Variants in ITPR2 observed in about 807,000 individuals in gnomAD.
ITPR2 encodes inositol 1,4,5-trisphosphate-gated calcium channel ITPR2.
A neutral mutation model predicts 317.1 loss-of-function variants in ITPR2; 207 were observed. The ratio of observed to expected loss-of-function variants is 0.65; its 90% CI spans 0.58 to 0.73. ITPR2 has a LOEUF of 0.73. Ranked by LOEUF, ITPR2 falls within the 30% of genes least tolerant of loss-of-function variation. ITPR2 has a pLI of 0.00. For synonymous variants in ITPR2, 1,156 were observed against 1,149.1 expected (o/e 1.01, Z -0.12); for missense variants, 2,613 against 3,284.0 (o/e 0.80, Z 4.99).
chr12:26,576,617 G>C (rs1339983871), intron 34 of ITPR2, among the ~76,000 whole-genome samples: 1 of 152,190 alleles, frequency 6.6e-6, no homozygotes, highest in Admixed American at 6.5e-5. Flanking sequence ...ACTGCCTGCA[G>C]AGAATCAGAA....
chr12:26,454,934 C>G (rs535907556), intron 45 of ITPR2, among the ~76,000 whole-genome samples: 1 of 152,096 alleles, frequency 6.6e-6, no homozygotes, highest in Non-Finnish European at 1.5e-5. Flanking sequence ...GTTCCTGAAC[C>G]AATGAGGCTG....
intron 2 of ITPR2, among the ~76,000 whole-genome samples, chr12:26,745,072 C>T (rs756890945): frequency 6.6e-6 from 1 of 152,230 alleles, no homozygotes; most frequent in African/African-American, 2.4e-5. Context: ...TAAGTGTTCT[C>T]AGGGTCATCC....
chr12:26,466,776 G>A (rs554692819), intron 45 of ITPR2, among the ~76,000 whole-genome samples: 39 of 152,170 alleles, frequency 2.6e-4, no homozygotes, highest in African/African-American at 7.7e-4. Context: ...AGGGTGCAGG[G>A]GTGGAATAAT....
chr12:26,346,893 G>T (rs1404565263), intron 55 of ITPR2, among the ~76,000 whole-genome samples: 1 of 152,080 alleles, frequency 6.6e-6, no homozygotes, highest in Non-Finnish European at 1.5e-5. Context: ...GTCATTCTGT[G>T]AGCTATGATG....
intron 49 of ITPR2, 47 bp from the exon 50 acceptor site, chr12:26,419,260 A>G: frequency 6.5e-7 from 1 of 1,546,270 alleles, no homozygotes; most frequent in Non-Finnish European, 8.9e-7. Context: ...TTATCCTGAA[A>G]CCCACATGGA....
At chr12:26,522,291 T>C (rs557314839) in intron 37 of ITPR2, among the ~76,000 whole-genome samples, 5 of 152,230 alleles carry the variant, frequency 3.3e-5, no homozygotes, top group Non-Finnish European at 7.3e-5. Flanking sequence ...AGAGATGTTC[T>C]AATGCTATCT....
intron 34 of ITPR2, among the ~76,000 whole-genome samples, chr12:26,577,516 G>GT (rs1468344334): frequency 6.6e-6 from 1 of 152,092 alleles, no homozygotes; most frequent in Non-Finnish European, 1.5e-5. Context: ...GATGTTTAAT[G>GT]TTTTTGTTGC....
intron 36 of ITPR2, among the ~76,000 whole-genome samples, chr12:26,554,310 G>A (rs1450315745): frequency 6.6e-6 from 1 of 152,146 alleles, no homozygotes; most frequent in Admixed American, 6.5e-5. Flanking sequence ...CTGAGGAAGT[G>A]GATTTTTATT....
chr12:26,710,431 A>C (rs1565709894), intron 9 of ITPR2, among the ~76,000 whole-genome samples: 1 of 152,160 alleles, frequency 6.6e-6, no homozygotes, highest in Non-Finnish European at 1.5e-5. Context: ...CAAATCCTGA[A>C]ATCTCCTTCT....
At chr12:26,574,879 A>T (rs1183598593) in intron 34 of ITPR2, among the ~76,000 whole-genome samples, 1 of 151,844 alleles carries the variant, frequency 6.6e-6, no homozygotes, top group Admixed American at 6.6e-5. Flanking sequence ...CTCACTTATC[A>T]CCGAGGGGAT....
intron 8 of ITPR2, among the ~76,000 whole-genome samples, chr12:26,714,068 A>G (rs1367977117): frequency 6.6e-6 from 1 of 152,238 alleles, no homozygotes; most frequent in African/African-American, 2.4e-5. Flanking sequence ...GTTTCAAGAT[A>G]GAAGATAAGT....
At chr12:26,617,324 G>A (rs1293606556) in intron 26 of ITPR2, among the ~76,000 whole-genome samples, 5 of 152,120 alleles carry the variant, frequency 3.3e-5, no homozygotes, top group East Asian at 1.9e-4. Context: ...CAATAAATTC[G>A]AAGATTTCAA....
At chr12:26,763,899 C>T (rs987104571) in intron 2 of ITPR2, among the ~76,000 whole-genome samples, 1 of 152,058 alleles carries the variant, frequency 6.6e-6, no homozygotes, top group African/African-American at 2.4e-5. Context: ...TCTTCCCTAC[C>T]CTCCTCCTCA....
At chr12:26,452,552 G>C (rs1249614695) in intron 45 of ITPR2, among the ~76,000 whole-genome samples, 2 of 152,118 alleles carry the variant, frequency 1.3e-5, no homozygotes, top group Non-Finnish European at 2.9e-5. Context: ...CCAGTGTGGT[G>C]GTGTTGGGAG....
intron 37 of ITPR2, among the ~76,000 whole-genome samples, chr12:26,528,838 A>C (rs754828884): frequency 1.3e-5 from 2 of 152,226 alleles, no homozygotes; most frequent in Admixed American, 1.3e-4. Flanking sequence ...CTGGAGGCAC[A>C]GGGTGGGTGA....
intron 1 of ITPR2, among the ~76,000 whole-genome samples, chr12:26,822,690 T>C (rs1334380541): frequency 2.0e-5 from 3 of 152,172 alleles, no homozygotes; most frequent in African/African-American, 4.8e-5. Context: ...GTACTTCGCA[T>C]AAATTTCTCC....
chr12:26,560,454 TCTC>T (rs1335853711), intron 35 of ITPR2, among the ~76,000 whole-genome samples: 1 of 152,126 alleles, frequency 6.6e-6, no homozygotes. Flanking sequence ...TGCATTCTCT[TCTC>T]CTCTGCTCTT....
rs563986115 is a variant in ITPR2 at position 26,715,797 on chromosome 12, A to G, written c.663T>C (p.Thr221=). ...AVNCNTSWKI[T]LFMKYSSYRE... ...GATAGGAACTATATTTCATGAATAA[A>G]GTGATTTTCCAGCTGGTGTTGCAAT... Residue 221 remains threonine, a synonymous_variant, in exon 7 of 57, where the codon ACT becomes ACC. Coordinates refer to ENST00000381340, the MANE Select transcript of ITPR2 (RefSeq NM_002223.4). 6.2e-7 allele frequency: 1 copy of G among 1,611,144 alleles called. No individual in the cohort carries two copies. The highest frequency in any genetic ancestry group is 8.5e-7 in the Non-Finnish European group (1 of 1,177,732).
intron 55 of ITPR2, among the ~76,000 whole-genome samples, chr12:26,340,866 C>T (rs1250887290): frequency 6.6e-6 from 1 of 152,180 alleles, no homozygotes; most frequent in Non-Finnish European, 1.5e-5. Context: ...AGGGCATGGC[C>T]TGAGGTTACT....
Sources: gnomAD v4.1 joint callset for allele counts (sites outside exome capture counted in the v4.1 genomes callset) on GRCh38, gnomAD v4.1.1 for gene constraint, MANE v1.5 for transcripts, NCBI Gene and HGNC (gene_info 2026-07-23, HGNC 2026-07-21) for gene names.